SLC6A18: variants seen among roughly 807,000 people sequenced by gnomAD.
The protein encoded by SLC6A18 is solute carrier family 6 member 18.
In SLC6A18, 58 loss-of-function variants were observed where a neutral mutation model predicts 62.9. That is an observed-to-expected ratio of 0.92 (90% confidence interval 0.75 to 1.15). SLC6A18 has a LOEUF of 1.15. Among genes scored for constraint, SLC6A18 ranks in the 50% most tolerant of loss-of-function variants. The pLI is 0.00. For missense variants in SLC6A18, 793 were observed against 836.6 expected, an observed-to-expected ratio of 0.95 and a Z score of 0.64; for synonymous variants, 382 against 365.8, an observed-to-expected ratio of 1.04 and a Z score of -0.51.
At position 1,246,041 on chromosome 5, in the gene SLC6A18, C is replaced by T. The variant is rs1561182396; in HGVS notation, c.1850C>T (p.Pro617Leu). The T allele has an allele frequency of 6.3e-7, 1 of 1,591,854 alleles. No homozygotes were observed. Among genetic ancestry groups the T allele is most frequent in the Admixed American group, 1.7e-5 (1 of 58,746 alleles). ...ATGCGCCCGGACACGGACACGCGCC[C>T]AGACACGGACATGCGCCCGGACACG... is the stretch of plus-strand genomic sequence containing the variant. ...TDMRPDTDTR[P>L]DTDMRPDTDM... The change falls in exon 12 of 12, where the codon CCA becomes CTA. Residue 617 changes from proline (P) to leucine (L), a missense_variant. Coordinates refer to ENST00000324642, the MANE Select transcript of SLC6A18 (RefSeq NM_182632.3).
At chr5:1,227,081 C>T (rs1162684556) in intron 1 of SLC6A18, among the ~76,000 whole-genome samples, 1 of 102,820 alleles carries the variant, frequency 9.7e-6, no homozygotes, top group African/African-American at 3.2e-5. Flanking sequence ...ACCCCTTGCC[C>T]GCCGACGCCT....
intron 1 of SLC6A18, among the ~76,000 whole-genome samples, chr5:1,231,335 C>T (rs1350343724): frequency 6.6e-6 from 1 of 152,216 alleles, no homozygotes; most frequent in African/African-American, 2.4e-5. Flanking sequence ...CCTGCCATGC[C>T]TATGGGCACC....
chr5:1,235,058 C>T (rs757748858), intron 3 of SLC6A18, among the ~76,000 whole-genome samples: 7 of 152,208 alleles, frequency 4.6e-5, no homozygotes, highest in Non-Finnish European at 8.8e-5. Context: ...ACAATCTGCC[C>T]GCCTGGCCAC....
At chr5:1,235,378 A>C in intron 3 of SLC6A18, 103 bp from the exon 4 acceptor site, 1 of 1,176,104 alleles carries the variant, frequency 8.5e-7, no homozygotes, top group Non-Finnish European at 1.2e-6. Context: ...CCTCAGCCCA[A>C]AAGGGCAGTG....
chr5:1,245,949 G>T lies in SLC6A18; in HGVS notation c.1758G>T (p.Ala586=), dbSNP rs1015796888. ...CCGTGCTGTGGGTCCCGGTGGCCGC[G>T]CTTGCTCAGCTGCTCACCCGGCGGA... The part of the protein sequence containing the change: ...LLPVLWVPVA[A]LAQLLTRRRR... Residue 586 remains alanine (A), a synonymous_variant, in exon 12 of 12, where the codon GCG becomes GCT. Coordinates refer to ENST00000324642, the MANE Select transcript of SLC6A18 (RefSeq NM_182632.3). 1 of 1,602,304 alleles carries T rather than the reference G, an allele frequency of 6.2e-7. No individual in the cohort carries two copies. The highest frequency in any genetic ancestry group is 1.3e-5 in the African/African-American group (1 of 75,008).
In SLC6A18 at chr5:1,235,021, C is replaced by T. The variant is rs562592651; in HGVS notation, c.440-460C>T. On this transcript the variant is annotated intron_variant, in intron 3 of 11. Coordinates refer to ENST00000324642, the MANE Select transcript of SLC6A18 (RefSeq NM_182632.3). ...GGATCCCTGCATCAGCCTGTGGCCCCGTCAAGGAGGAAGTGGGAGTCACAG... is the reference window on the plus strand; with the variant it reads ...GGATCCCTGCATCAGCCTGTGGCCCTGTCAAGGAGGAAGTGGGAGTCACAG... Among the ~76,000 whole-genome samples, 97 of 152,344 alleles carry T rather than the reference C, an allele frequency of 6.4e-4. 3 individuals carry two copies. The South Asian group carries it at 0.019, about 29-fold the overall frequency.
chr5:1,244,215 G>A lies in SLC6A18; in HGVS notation c.1338G>A (p.Gly446=), dbSNP rs117052364. The A allele has an allele frequency of 7.0e-4, 1,127 of 1,604,834 alleles. 16 individuals are homozygous for A. The East Asian group carries it at 0.024, about 35-fold the overall frequency. The part of the protein sequence containing the change: ...PRWVPKEALT[G]LVCLVCFLSA... Reference sequence around the variant, plus strand: ...CACACCCCTTTCCCACTGCCCCAGGGCTGGTCTGCCTGGTCTGCTTCCTCT... The same window carrying A: ...CACACCCCTTTCCCACTGCCCCAGGACTGGTCTGCCTGGTCTGCTTCCTCT... Residue 446 remains glycine (G), a splice_region_variant and synonymous_variant, in exon 10 of 12, where the codon GGG becomes GGA. Coordinates refer to ENST00000324642, the MANE Select transcript of SLC6A18 (RefSeq NM_182632.3).
At position 1,241,031 on chromosome 5, in the gene SLC6A18, G is replaced by T. The variant is rs935105765; in HGVS notation, c.974+372G>T. Among the ~76,000 whole-genome samples the T allele has an allele frequency of 2.6e-5, 4 of 152,236 alleles. No individual in the cohort carries two copies. Among genetic ancestry groups the T allele is most frequent in the Non-Finnish European group, 5.9e-5 (4 of 68,040 alleles). On this transcript the variant is annotated intron_variant, in intron 7 of 11. Coordinates refer to ENST00000324642, the MANE Select transcript of SLC6A18 (RefSeq NM_182632.3). This position sits in a 1 kb window ranked among gnomAD's most constrained non-coding sequence, Gnocchi z 7.8. ...ATGCCTGAAGGTGCAGAAGCTGGAAGAGGCGGGAGGAGTCTCCCGTGCAGG... is the reference window on the plus strand; with the variant it reads ...ATGCCTGAAGGTGCAGAAGCTGGAATAGGCGGGAGGAGTCTCCCGTGCAGG...
chr5:1,231,623 C>T (rs987084983), intron 1 of SLC6A18, among the ~76,000 whole-genome samples: 16 of 152,136 alleles, frequency 1.1e-4, no homozygotes, highest in African/African-American at 3.9e-4. Context: ...AGCATGAAGC[C>T]GGGGAGCCAA....
rs772298544 is a variant in SLC6A18 at position 1,232,403 on chromosome 5, C to T, written c.301+44C>T. 9 of 1,581,986 alleles carry T rather than the reference C, an allele frequency of 5.7e-6. No homozygotes were observed. In the South Asian group the frequency reaches 1.0e-4, roughly 18 times the overall value. ...TTGCCCTGACTGAGGCTGCCAGGGA[C>T]AGGGCCCTCCTGGATGAGAGGTGGG... is the stretch of plus-strand genomic sequence containing the variant. On this transcript the variant is annotated intron_variant, in intron 2 of 11. Coordinates refer to ENST00000324642, the MANE Select transcript of SLC6A18 (RefSeq NM_182632.3).
chr5:1,227,244 A>G (rs1746608839), intron 1 of SLC6A18, among the ~76,000 whole-genome samples: 1 of 152,120 alleles, frequency 6.6e-6, no homozygotes, highest in South Asian at 2.1e-4. Context: ...GTCTGGCACT[A>G]GCCTCCCTTA....
rs1746526526 is a variant in SLC6A18 at position 1,225,396 on chromosome 5, G to C, written c.-82G>C. 5 of 1,427,530 alleles carry C rather than the reference G, an allele frequency of 3.5e-6. No individual in the cohort carries two copies. The highest frequency in any genetic ancestry group is 4.7e-6 in the Non-Finnish European group (5 of 1,072,292). The allele number at this position is 1,427,530 out of a possible 1,614,324, so 88.4% of individuals were successfully genotyped here. On this transcript the variant is annotated 5_prime_UTR_variant, in exon 1 of 12. Coordinates refer to ENST00000324642, the MANE Select transcript of SLC6A18 (RefSeq NM_182632.3). ...GGCTGCTTGTGGTTTCCAAACGTCG[G>C]CAGAGGCTGGAGACGGCTCTCTAGT...
chr5:1,240,354 G>C lies in SLC6A18; in HGVS notation c.846-177G>C, dbSNP rs561103999. 4.6e-5 allele frequency among the ~76,000 whole-genome samples: 7 copies of C among 152,300 alleles called. No individual in the cohort carries two copies. The South Asian group carries it at 1.5e-3, about 32-fold the overall frequency. On this transcript the variant is annotated intron_variant, in intron 6 of 11. Transcript: ENST00000324642. ...CTGGGGCTGCTGGAGTAGACTGTTG[G>C]GGGGATCTGAGGCCATTCTGAGACT...
At chr5:1,242,645 G>C in intron 7 of SLC6A18, 62 bp from the exon 8 acceptor site, 1 of 1,544,270 alleles carries the variant, frequency 6.5e-7, no homozygotes, top group Non-Finnish European at 8.8e-7. Flanking sequence ...ACCAACCAAG[G>C]GTTTCTCTGG....
intron 3 of SLC6A18, 59 bp from the exon 4 acceptor site, chr5:1,235,422 C>A (rs1008347330): frequency 5.8e-6 from 9 of 1,555,438 alleles, no homozygotes; most frequent in Non-Finnish European, 7.0e-6. Flanking sequence ...AGCTCAAGAG[C>A]CACATGGTGA....
At position 1,244,625 on chromosome 5, in the gene SLC6A18, C is replaced by G. The variant is rs372855924; in HGVS notation, c.1514C>G (p.Ala505Gly). 5.6e-6 allele frequency: 9 copies of G among 1,602,440 alleles called. No individual in the cohort carries two copies. The African/African-American group carries it at 1.2e-4, about 21-fold the overall frequency. ...TGGTGCAGGTTCTGCGATGACATTG[C>G]GTGGATGACCGGGAGGCGGCCCAGC... Reference protein sequence around the residue: ...YGMKRFCDDIAWMTGRRPSPY... With the variant: ...YGMKRFCDDIGWMTGRRPSPY... The change falls in exon 11 of 12, where the codon GCG (alanine) becomes GGG (glycine). Residue 505 changes from alanine to glycine, a missense_variant. Transcript: ENST00000324642.
chr5:1,228,149 AGCT>A (rs1746631644), intron 1 of SLC6A18, among the ~76,000 whole-genome samples: 1 of 152,030 alleles, frequency 6.6e-6, no homozygotes, highest in Non-Finnish European at 1.5e-5. Flanking sequence ...AACTTTTGCC[AGCT>A]GCTACTTTTC....
intron 1 of SLC6A18, among the ~76,000 whole-genome samples, chr5:1,229,905 G>A (rs1746680099): frequency 6.7e-6 from 1 of 149,792 alleles, no homozygotes; most frequent in African/African-American, 2.5e-5. Context: ...TAAAGGGAAG[G>A]GAAGGGAAGA....
chr5:1,242,901 T>C, intron 8 of SLC6A18, 38 bp downstream of exon 8: 1 of 1,554,308 alleles, frequency 6.4e-7, no homozygotes, highest in Non-Finnish European at 8.7e-7. Flanking sequence ...GGCAGGGCCG[T>C]CCACAGGAGC....
Sources: gnomAD v4.1 joint callset for allele counts (sites outside exome capture counted in the v4.1 genomes callset) on GRCh38, gnomAD v4.1.1 for gene constraint, Gnocchi (gnomAD v3.1) non-coding constraint, MANE v1.5 for transcripts, NCBI Gene and HGNC (gene_info 2026-07-23, HGNC 2026-07-21) for gene names.